The following EMC3 variants were observed in gnomAD, a reference collection of about 807,000 sequenced individuals.
EMC3 encodes ER membrane protein complex subunit 3, also known as 30 kDa protein.
In EMC3, 13 loss-of-function variants were observed where a neutral mutation model predicts 36.6. That is an observed-to-expected ratio of 0.35 (90% CI 0.23 to 0.56). The LOEUF (loss-of-function observed/expected upper bound fraction) is 0.56. Ranked by LOEUF, EMC3 falls within the 20% of genes least tolerant of loss-of-function variation. EMC3 has a pLI of 0.84. For missense variants in EMC3, 220 were observed against 324.5 expected (o/e 0.68, Z 2.47); for synonymous variants, 120 against 111.9 (o/e 1.07, Z -0.46).
Position 9,976,422 on chromosome 3 carries a change from A to G in EMC3, c.307+535T>C, listed in dbSNP as rs79743650. ...CCACACCTGGCCTGTTTTACTTTTA[A>G]CATGCTATATTTTTCACATGACTGG... On this transcript the variant is annotated intron_variant, in intron 3 of 7. Transcript: ENST00000245046. 1.3e-3 allele frequency among the ~76,000 whole-genome samples: 203 copies of G among 152,318 alleles called. 1 individual carries two copies. In the East Asian group the frequency reaches 0.035, roughly 26 times the overall value.
chr3:9,969,720 T>C lies in EMC3; in HGVS notation c.656A>G (p.Lys219Arg). 6.2e-7 allele frequency: 1 copy of C among 1,614,168 alleles called. No individual in the cohort carries two copies. Among genetic ancestry groups the C allele is most frequent in the Non-Finnish European group, 8.5e-7 (1 of 1,180,024 alleles). ...GCTTTGAAAGGTGAAGGAGTATACC[T>C]TGAAAGCTTTGTTTGTGTCTGCGGG... is the stretch of plus-strand genomic sequence containing the variant. ...AMPADTNKAF[K>R]TEWEALELTD... Residue 219 changes from lysine to arginine, a missense_variant and splice_region_variant, in exon 7 of 8, where the codon AAG becomes AGG. Transcript: ENST00000245046.
At chr3:9,980,540 GTTTT>G (rs1559352769) in intron 1 of EMC3, among the ~76,000 whole-genome samples, 1 of 144,622 alleles carries the variant, frequency 6.9e-6, no homozygotes, top group African/African-American at 2.6e-5. Context: ...AAACTTTTGT[GTTTT>G]GTTTTTTTTG....
intron 1 of EMC3, among the ~76,000 whole-genome samples, chr3:9,979,293 A>G (rs574108427): frequency 1.6e-4 from 24 of 152,360 alleles, no homozygotes; most frequent in Non-Finnish European, 2.8e-4. Flanking sequence ...ACATCCAGAT[A>G]CATGATCAAA....
upstream of EMC3, among the ~76,000 whole-genome samples, chr3:9,987,519 T>C (rs1406226761): frequency 1.3e-5 from 2 of 152,164 alleles, no homozygotes; most frequent in Non-Finnish European, 2.9e-5. Context: ...CTCACGTCTG[T>C]TGGGCTTCTC....
At position 9,986,819 on chromosome 3, in the gene EMC3, C is replaced by G; in HGVS notation, c.-158G>C. On this transcript the variant is annotated 5_prime_UTR_variant, in exon 1 of 8. Transcript: ENST00000245046. ...TGTGAGCCGAGCTTACTGCCTTCAG[C>G]TGGGCTGCCTGGTCTTCCACTTCCG... The G allele has an allele frequency of 2.8e-6, 4 of 1,412,762 alleles. No homozygotes were observed. In the South Asian group the frequency reaches 4.8e-5, roughly 17 times the overall value. 87.5% of individuals were successfully genotyped at this position (1,412,762 alleles called of 1,614,324 possible).
chr3:9,989,597 A>G (rs191458438), upstream of EMC3, among the ~76,000 whole-genome samples: 15 of 152,350 alleles, frequency 9.8e-5, no homozygotes, highest in East Asian at 2.9e-3. Flanking sequence ...TGGGATGACT[A>G]TCTTAAAAGC....
chr3:9,968,486 G>C (rs2085753471), intron 7 of EMC3, among the ~76,000 whole-genome samples: 1 of 151,994 alleles, frequency 6.6e-6, no homozygotes, highest in East Asian at 1.9e-4. Flanking sequence ...TTGCCTAACT[G>C]CCCTGGCTAG....
At chr3:9,998,366 A>AAT (rs1553604406) in intron 1 of EMC3, among the ~76,000 whole-genome samples, 6 of 137,394 alleles carry the variant, frequency 4.4e-5, no homozygotes, top group Non-Finnish European at 9.3e-5. Flanking sequence ...ACTCTGTCTC[A>AAT]AATAATAATA....
At chr3:10,007,970 G>T (rs2086282060) in intron 1 of EMC3, among the ~76,000 whole-genome samples, 1 of 152,194 alleles carries the variant, frequency 6.6e-6, no homozygotes, top group East Asian at 1.9e-4. Context: ...GAGAGGGTGG[G>T]AGTGTTATAG....
upstream of EMC3, chr3:9,988,882 C>A (rs918439821): frequency 3.7e-4 from 238 of 639,468 alleles, no homozygotes; most frequent in Non-Finnish European, 5.8e-4. Flanking sequence ...CTCTAATAAA[C>A]ATTAGCTGTC....
intron 5 of EMC3, 71 bp downstream of exon 5, chr3:9,973,557 T>C (rs567076729): frequency 7.1e-7 from 1 of 1,404,256 alleles, no homozygotes; most frequent in Admixed American, 1.7e-5. Flanking sequence ...ACTCATGGGC[T>C]CAAGTGATCC....
chr3:10,006,963 T>G (rs1446613392), intron 1 of EMC3: 1 of 290,088 alleles, frequency 3.4e-6, no homozygotes, highest in African/African-American at 2.3e-5. Context: ...TTTTATCTTT[T>G]TAAATAAAAA....
At chr3:9,999,285 A>G (rs1336444626) in intron 1 of EMC3, among the ~76,000 whole-genome samples, 2 of 150,158 alleles carry the variant, frequency 1.3e-5, no homozygotes, top group Non-Finnish European at 3.0e-5. Context: ...CTCTGTCACC[A>G]GGCTGGAGTG....
At chr3:9,978,785 G>A (rs1047730532) in intron 1 of EMC3, among the ~76,000 whole-genome samples, 3 of 152,030 alleles carry the variant, frequency 2.0e-5, no homozygotes, top group Admixed American at 6.6e-5. Flanking sequence ...GAGCCGAGAC[G>A]ACGCCATTGC....
chr3:9,971,920 G>A (rs1201657184), intron 5 of EMC3, among the ~76,000 whole-genome samples: 1 of 152,150 alleles, frequency 6.6e-6, no homozygotes. Context: ...CAAGAGTCTG[G>A]AGAGGCTACA....
upstream of EMC3, among the ~76,000 whole-genome samples, chr3:9,990,457 T>C (rs2086035661): frequency 6.7e-6 from 1 of 150,338 alleles, no homozygotes; most frequent in South Asian, 2.1e-4. Context: ...ACCTCAGTCT[T>C]TGGAGTAGCT....
At chr3:9,984,499 A>C (rs1415405723) in intron 1 of EMC3, among the ~76,000 whole-genome samples, 4 of 136,960 alleles carry the variant, frequency 2.9e-5, no homozygotes, top group Admixed American at 7.3e-5. Flanking sequence ...AAGCAATTCC[A>C]CTGCCTCAGC....
At chr3:10,009,326 C>T (rs1208359046) in intron 1 of EMC3, among the ~76,000 whole-genome samples, 5 of 152,224 alleles carry the variant, frequency 3.3e-5, no homozygotes, top group African/African-American at 9.6e-5. Context: ...AGACCTCCTC[C>T]TGTGCAACAC....
chr3:10,000,410 A>G (rs1426947889), intron 1 of EMC3, among the ~76,000 whole-genome samples: 2 of 152,190 alleles, frequency 1.3e-5, no homozygotes, highest in African/African-American at 4.8e-5. Context: ...GTCTAATCAT[A>G]TTTTTAGAAG....
Sources: allele counts gnomAD v4.1 joint callset (sites outside exome capture counted in the v4.1 genomes callset), GRCh38; gene constraint gnomAD v4.1.1; transcripts MANE v1.5; gene names NCBI Gene and HGNC (gene_info 2026-07-23, HGNC 2026-07-21).